The following MPPED1 variants were observed in gnomAD, a reference collection of about 807,000 sequenced individuals.
MPPED1 encodes metallophosphoesterase domain-containing protein 1.
A neutral mutation model predicts 36.2 loss-of-function variants in MPPED1; 16 were observed. The ratio of observed to expected loss-of-function variants is 0.44; its 90% confidence interval spans 0.30 to 0.67. The LOEUF (loss-of-function observed/expected upper bound fraction) is 0.67, where lower values mean the gene tolerates loss of function less well. Among genes scored for constraint, MPPED1 ranks in the 30% least tolerant of loss-of-function variants. The pLI is 0.10. For missense variants in MPPED1, 307 were observed against 453.4 expected (o/e 0.68, Z 2.93); for synonymous variants, 199 against 191.3 (o/e 1.04, Z -0.33).
intron 3 of MPPED1, among the ~76,000 whole-genome samples, chr22:43,464,494 G>A (rs1931092911): frequency 6.6e-6 from 1 of 152,184 alleles, no homozygotes. Flanking sequence ...TCTGGAGGCT[G>A]GGACCCCAGG....
chr22:43,485,418 T>G (rs928918014), intron 4 of MPPED1, among the ~76,000 whole-genome samples: 9 of 151,894 alleles, frequency 5.9e-5, no homozygotes, highest in Non-Finnish European at 1.2e-4. Flanking sequence ...TCACACATAT[T>G]CATACACACA....
intron 5 of MPPED1, 60 bp downstream of exon 5, chr22:43,498,410 G>A (rs1932501393): frequency 7.3e-7 from 1 of 1,372,872 alleles, no homozygotes; most frequent in Admixed American, 2.0e-5. Flanking sequence ...GTGGGCTCTG[G>A]GATGGGGGGC....
chr22:43,444,810 T>G (rs1286012583), intron 3 of MPPED1, among the ~76,000 whole-genome samples: 3 of 152,238 alleles, frequency 2.0e-5, no homozygotes, highest in Non-Finnish European at 1.5e-5. Context: ...GGCTTAATTT[T>G]GTGTAGTTTG....
chr22:43,496,138 G>A (rs1214966650), intron 4 of MPPED1, among the ~76,000 whole-genome samples: 3 of 92,002 alleles, frequency 3.3e-5, no homozygotes, highest in Admixed American at 9.5e-5. Context: ...TGGTGGAGGT[G>A]GTGATGGTGG....
chr22:43,414,806 C>T (rs779750843), intron 1 of MPPED1, among the ~76,000 whole-genome samples: 3 of 152,140 alleles, frequency 2.0e-5, no homozygotes, highest in African/African-American at 4.8e-5. Context: ...GAGATCTTTC[C>T]GTTCAGCAAT....
intron 3 of MPPED1, among the ~76,000 whole-genome samples, chr22:43,441,390 T>C (rs1000480935): frequency 6.6e-6 from 1 of 152,188 alleles, no homozygotes; most frequent in Non-Finnish European, 1.5e-5. Context: ...GGGTGCTCTG[T>C]GTGCCAGCCT....
At chr22:43,420,086 A>C (rs1929211433) in intron 1 of MPPED1, among the ~76,000 whole-genome samples, 1 of 152,142 alleles carries the variant, frequency 6.6e-6, no homozygotes, top group South Asian at 2.1e-4. Context: ...GGGCAGGTAC[A>C]AGGTTTGTTC....
intron 3 of MPPED1, among the ~76,000 whole-genome samples, chr22:43,467,694 G>A (rs1051168452): frequency 3.3e-5 from 5 of 152,160 alleles, no homozygotes; most frequent in East Asian, 1.9e-4. Context: ...ATCAGAGATC[G>A]TTATGCCGTC....
At chr22:43,496,025 ATGG>A (rs1569089310) in intron 4 of MPPED1, among the ~76,000 whole-genome samples, 3 of 26,038 alleles carry the variant, frequency 1.2e-4, no homozygotes, top group Admixed American at 4.0e-4. Flanking sequence ...GGAGGTGGTG[ATGG>A]TGGAGGTGGT....
intron 4 of MPPED1, among the ~76,000 whole-genome samples, chr22:43,487,663 T>C (rs1931954289): frequency 6.6e-6 from 1 of 152,148 alleles, no homozygotes; most frequent in Non-Finnish European, 1.5e-5. Flanking sequence ...GGAAGTCATC[T>C]TGGGAGAGGG....
intron 3 of MPPED1, among the ~76,000 whole-genome samples, chr22:43,457,341 G>T (rs984846071): frequency 6.6e-6 from 1 of 151,980 alleles, no homozygotes; most frequent in African/African-American, 2.4e-5. Flanking sequence ...CTCTTTTGGC[G>T]TCTGGATACT....
intron 4 of MPPED1, among the ~76,000 whole-genome samples, chr22:43,497,092 G>A (rs1932439268): frequency 6.7e-6 from 1 of 150,128 alleles, no homozygotes; most frequent in South Asian, 2.1e-4. Flanking sequence ...AGGTAGTGGT[G>A]GCGGAGATGG....
intron 4 of MPPED1, 82 bp downstream of exon 4, chr22:43,475,043 A>T: frequency 8.1e-7 from 1 of 1,229,480 alleles, no homozygotes; most frequent in Non-Finnish European, 1.2e-6. Flanking sequence ...GGATGGGAGT[A>T]GCAGCAGGGA....
chr22:43,498,305 A>G lies in MPPED1; in HGVS notation c.703A>G (p.Ile235Val), dbSNP rs1932497283. ...AGCCCTGCTGGAGAAATGGAACCTC[A>G]TTCCCGAAGGCGTAGACATCCTGAT... ...GQALLEKWNL[I>V]PEGVDILITH... The change falls in exon 5 of 7, where the codon ATT becomes GTT. Residue 235 changes from isoleucine to valine, a missense_variant. Ile to Val is a conservative substitution (Grantham distance 29). Transcript: ENST00000443721. 2 of 1,535,182 alleles carry G rather than the reference A, an allele frequency of 1.3e-6. No individual in the cohort carries two copies. The highest frequency in any genetic ancestry group is 4.9e-5 in the East Asian group (2 of 40,882).
In MPPED1 at chr22:43,454,893, T is replaced by C. The variant is rs59054429; in HGVS notation, c.406+19678T>C. Reference sequence around the variant, plus strand: ...ATTCAGATTCTTCAAGTGCATCTTCTGCATTGATACTGTGTTGGTTTGATA... The same window carrying C: ...ATTCAGATTCTTCAAGTGCATCTTCCGCATTGATACTGTGTTGGTTTGATA... On this transcript the variant is annotated intron_variant, in intron 3 of 6. Transcript: ENST00000443721. Among the ~76,000 whole-genome samples the C allele has an allele frequency of 4.9e-3, 744 of 152,304 alleles. 16 individuals are homozygous for C. Among genetic ancestry groups the C allele is most frequent in the African/African-American group, 0.017 (714 of 41,554 alleles).
At chr22:43,499,717 T>C (rs948783072) in intron 5 of MPPED1, among the ~76,000 whole-genome samples, 1 of 108,412 alleles carries the variant, frequency 9.2e-6, no homozygotes, top group Non-Finnish European at 1.9e-5. Flanking sequence ...ATGGTGGTGG[T>C]GATGGAGGTG....
intron 4 of MPPED1, 83 bp from the exon 5 acceptor site, chr22:43,498,152 T>C (rs1932492144): frequency 9.0e-7 from 1 of 1,109,902 alleles, no homozygotes. Flanking sequence ...GAGGGCCCCC[T>C]GGCCCGTGGG....
intron 3 of MPPED1, among the ~76,000 whole-genome samples, chr22:43,439,073 G>A (rs977971678): frequency 3.3e-5 from 5 of 152,236 alleles, no homozygotes; most frequent in African/African-American, 1.2e-4. Context: ...TATAAGACAA[G>A]ACAAGACATC....
At chr22:43,491,674 AGGT>A (rs1231629688) in intron 4 of MPPED1, among the ~76,000 whole-genome samples, 3 of 66,852 alleles carry the variant, frequency 4.5e-5, no homozygotes, top group Admixed American at 1.4e-4. Flanking sequence ...ATGGTGATGG[AGGT>A]GGTGGTTATG....
Sources: gnomAD v4.1 joint callset for allele counts (sites outside exome capture counted in the v4.1 genomes callset) on GRCh38, gnomAD v4.1.1 for gene constraint, MANE v1.5 for transcripts, NCBI Gene and HGNC (gene_info 2026-07-23, HGNC 2026-07-21) for gene names.